Variants in RBFOX1 observed in about 807,000 individuals in gnomAD.
RBFOX1 encodes RNA binding fox-1 homolog 1, also known as RNA binding protein fox-1 homolog 1.
RBFOX1 carries 8 observed loss-of-function variants against 57.7 expected under a neutral mutation model. The observed-to-expected ratio is 0.14, with a 90% CI of 0.08 to 0.25. The LOEUF (loss-of-function observed/expected upper bound fraction) is 0.25, where lower values mean the gene tolerates loss of function less well. Among genes scored for constraint, RBFOX1 ranks in the 10% least tolerant of loss-of-function variants. The pLI is 1.00. For missense variants in RBFOX1, 611 were observed against 548.5 expected, an observed-to-expected ratio of 1.11 and a Z score of -1.14; for synonymous variants, 326 against 222.4, an observed-to-expected ratio of 1.47 and a Z score of -4.15.
chr16:5,313,182 A>G (rs1000540322), intron 1 of RBFOX1, among the ~76,000 whole-genome samples: 7 of 152,176 alleles, frequency 4.6e-5, no homozygotes, highest in Non-Finnish European at 7.4e-5. Context: ...CTCATTACTC[A>G]AAGTCATGCA....
intron 1 of RBFOX1, among the ~76,000 whole-genome samples, chr16:5,342,370 A>G (rs2065051092): frequency 6.6e-6 from 1 of 152,182 alleles, no homozygotes; most frequent in South Asian, 2.1e-4. Context: ...ACTACAGAGC[A>G]GAGTCCTGCA....
chr16:6,153,953 T>C (rs1437624275), intron 1 of RBFOX1, among the ~76,000 whole-genome samples: 1 of 152,202 alleles, frequency 6.6e-6, no homozygotes, highest in Admixed American at 6.5e-5. Context: ...TTTTATCAAA[T>C]ACAGTATGTC....
intron 3 of RBFOX1, among the ~76,000 whole-genome samples, chr16:5,846,112 G>T (rs145484057): frequency 6.6e-6 from 1 of 151,960 alleles, no homozygotes; most frequent in Non-Finnish European, 1.5e-5. Context: ...AACCTTGGAG[G>T]CGGAGGTTGC....
intron 3 of RBFOX1, among the ~76,000 whole-genome samples, chr16:5,738,494 C>T (rs755129395): frequency 6.6e-6 from 1 of 151,534 alleles, no homozygotes; most frequent in Non-Finnish European, 1.5e-5. Flanking sequence ...ATTAGCTGGT[C>T]GTGGTGGTGC....
At chr16:5,435,032 T>G (rs969006887) in intron 1 of RBFOX1, among the ~76,000 whole-genome samples, 3 of 152,244 alleles carry the variant, frequency 2.0e-5, no homozygotes, top group Admixed American at 6.5e-5. Context: ...AAGCTTTGTT[T>G]ATAGATTGAT....
chr16:6,080,770 G>A (rs1425667950), intron 1 of RBFOX1, among the ~76,000 whole-genome samples: 1 of 152,140 alleles, frequency 6.6e-6, no homozygotes, highest in Non-Finnish European at 1.5e-5. Context: ...GTTGTTGAGG[G>A]TTCGAAACAG....
At chr16:6,866,049 G>C (rs765156933) in intron 3 of RBFOX1, among the ~76,000 whole-genome samples, 19 of 152,048 alleles carry the variant, frequency 1.2e-4, no homozygotes, top group Non-Finnish European at 2.6e-4. Context: ...GGAAAGAAAA[G>C]AGTAAATCAG....
rs57988480 is a variant in RBFOX1, at chr16:6,256,253, A to G, written c.-126-60742A>G. Among the ~76,000 whole-genome samples, 12 of 116,400 alleles carry G rather than the reference A, an allele frequency of 1.0e-4. 1 individual carries two copies. Among genetic ancestry groups the G allele is most frequent in the African/African-American group, 4.7e-4 (12 of 25,286 alleles). 76.4% of individuals were successfully genotyped at this position (116,400 alleles called of 152,430 possible). Reference sequence around the variant, plus strand: ...TATATGTGTATATATATATGTATATATATGTGTATATATATATGTATATAT... The same window carrying G: ...TATATGTGTATATATATATGTATATGTATGTGTATATATATATGTATATAT... On this transcript the variant is annotated intron_variant, in intron 1 of 15. Coordinates refer to ENST00000550418, the MANE Select transcript of RBFOX1 (RefSeq NM_018723.4).
At chr16:6,368,473 T>G (rs1055628446) in intron 2 of RBFOX1, among the ~76,000 whole-genome samples, 1 of 152,252 alleles carries the variant, frequency 6.6e-6, no homozygotes, top group South Asian at 2.1e-4. Context: ...GTTCCTAATG[T>G]AGACCTTTCC....
chr16:6,981,811 A>T (rs1242218558), intron 3 of RBFOX1, among the ~76,000 whole-genome samples: 1 of 152,140 alleles, frequency 6.6e-6, no homozygotes. Context: ...ACCAGTCAAG[A>T]TGAGATTGGG....
chr16:5,850,525 G>A (rs755923078), intron 3 of RBFOX1, among the ~76,000 whole-genome samples: 2 of 152,208 alleles, frequency 1.3e-5, no homozygotes, highest in Non-Finnish European at 2.9e-5. Context: ...AGTAGTGGCA[G>A]TAACAGCAGC....
At chr16:5,602,721 C>T (rs1025160364), downstream of RBFOX1, among the ~76,000 whole-genome samples, 3 of 151,814 alleles carry the variant, frequency 2.0e-5, no homozygotes, top group Non-Finnish European at 2.9e-5. Context: ...TTTTCTTTGA[C>T]AGTGGTAGTA....
At chr16:7,052,697 G>T (rs1483860417) in intron 4 of RBFOX1, among the ~76,000 whole-genome samples, 1 of 152,212 alleles carries the variant, frequency 6.6e-6, no homozygotes, top group Non-Finnish European at 1.5e-5. Flanking sequence ...TGTGCAGGGA[G>T]TGTTTGGTTA....
At chr16:7,284,357 C>T (rs550075199) in intron 4 of RBFOX1, among the ~76,000 whole-genome samples, 1 of 152,262 alleles carries the variant, frequency 6.6e-6, no homozygotes, top group South Asian at 2.1e-4. Flanking sequence ...AAGATATAGA[C>T]TCCTGCTCTG....
At chr16:6,376,680 C>T (rs2091218007) in intron 2 of RBFOX1, among the ~76,000 whole-genome samples, 2 of 152,158 alleles carry the variant, frequency 1.3e-5, no homozygotes, top group Admixed American at 6.5e-5. Flanking sequence ...TTCATGACTC[C>T]TGTGTTAGCT....
chr16:6,371,532 G>A (rs537278386), intron 2 of RBFOX1, among the ~76,000 whole-genome samples: 6 of 152,120 alleles, frequency 3.9e-5, no homozygotes, highest in East Asian at 1.9e-4. Flanking sequence ...ACATAAACCC[G>A]TAAGTTTTTT....
At chr16:7,033,496 G>T (rs1317535854) in intron 3 of RBFOX1, among the ~76,000 whole-genome samples, 5 of 152,200 alleles carry the variant, frequency 3.3e-5, no homozygotes, top group Non-Finnish European at 7.3e-5. Flanking sequence ...GTCCAGCCTA[G>T]GGGATAGAGG....
chr16:6,921,517 C>T (rs2074433188), intron 3 of RBFOX1, among the ~76,000 whole-genome samples: 2 of 152,232 alleles, frequency 1.3e-5, no homozygotes, highest in East Asian at 1.9e-4. Flanking sequence ...TCTGAGGTCA[C>T]CCATAGTTCC....
At chr16:6,338,484 T>C (rs1272861201) in intron 2 of RBFOX1, among the ~76,000 whole-genome samples, 2 of 152,238 alleles carry the variant, frequency 1.3e-5, no homozygotes, top group African/African-American at 4.8e-5. Flanking sequence ...TTGATCTTTA[T>C]TAATAGTAGT....
Sources: allele counts gnomAD v4.1 joint callset (sites outside exome capture counted in the v4.1 genomes callset), GRCh38; gene constraint gnomAD v4.1.1; transcripts MANE v1.5; gene names NCBI Gene and HGNC (gene_info 2026-07-23, HGNC 2026-07-21).